The following MME variants were observed in gnomAD, a reference collection of about 807,000 sequenced individuals.
MME encodes the protein neprilysin.
In MME, 98 loss-of-function variants were observed where a neutral mutation model predicts 113.2. The ratio of observed to expected loss-of-function variants is 0.87; its 90% CI spans 0.74 to 1.02. MME has a LOEUF of 1.02. Ranked by LOEUF, MME falls within the 50% of genes least tolerant of loss-of-function variation. The pLI, the probability that MME is intolerant of heterozygous loss-of-function variation, is 0.00. For missense variants in MME, 836 were observed against 896.0 expected (o/e 0.93, Z 0.86); for synonymous variants, 292 against 300.6 (o/e 0.97, Z 0.30).
At chr3:155,113,097 C>A (rs1159246756) in intron 3 of MME, among the ~76,000 whole-genome samples, 2 of 151,910 alleles carry the variant, frequency 1.3e-5, no homozygotes, top group Non-Finnish European at 2.9e-5. Flanking sequence ...ATGACAGGGG[C>A]AATCAAAGCT....
At position 155,144,477 on chromosome 3, in the gene MME, C is replaced by T; in HGVS notation, c.1416+20C>T. The T allele has an allele frequency of 6.7e-7, 1 of 1,502,026 alleles. No individual in the cohort carries two copies. The highest frequency in any genetic ancestry group is 9.3e-7 in the Non-Finnish European group (1 of 1,079,588). The allele number at this position is 1,502,026 out of a possible 1,614,324, so 93.0% of individuals were successfully genotyped here. A position where few individuals can be genotyped will look rare whatever the true frequency, so the allele number is the denominator to read the frequency against. On this transcript the variant is annotated intron_variant, in intron 14 of 22. Coordinates refer to ENST00000360490, the MANE Select transcript of MME (RefSeq NM_007289.4). ...GAAAAGGTAAAGAGCAGACAGCTAA[C>T]TAGCAAAGAAAAATCTTTGCTAGTA...
intron 16 of MME, among the ~76,000 whole-genome samples, chr3:155,154,726 T>C (rs1191934758): frequency 1.3e-5 from 2 of 152,204 alleles, no homozygotes; most frequent in Admixed American, 6.5e-5. Flanking sequence ...ATAGTTCAAC[T>C]TGAGTATCAA....
At chr3:155,169,015 CAAG>C (rs1434198423) in intron 20 of MME, 10 of 508,910 alleles carry the variant, frequency 2.0e-5, no homozygotes, top group Non-Finnish European at 3.5e-5. Context: ...TGCAAAGAGC[CAAG>C]AAGAAGAGAA....
intron 1 of MME, chr3:155,081,110 A>G (rs1192426340): frequency 6.6e-6 from 1 of 152,328 alleles, no homozygotes; most frequent in East Asian, 1.9e-4. Context: ...CTGCAGACAC[A>G]GTTTAAATAT....
chr3:155,063,919 G>A lies in MME; in HGVS notation c.-10-20239G>A, dbSNP rs544390718. Among the ~76,000 whole-genome samples, 47 of 151,652 alleles carry A rather than the reference G, an allele frequency of 3.1e-4. No homozygotes were observed. The East Asian group carries it at 3.5e-3, about 11-fold the overall frequency. ...CAATGTGACTGTATTTGGGAGATGG[G>A]GGCTTTACAGAGGTAATCAAGGTTA... On this transcript the variant is annotated intron_variant, in intron 1 of 22. Transcript: ENST00000492661.
intron 1 of MME, among the ~76,000 whole-genome samples, chr3:155,048,429 CAG>C (rs1169761738): frequency 2.0e-5 from 3 of 152,070 alleles, no homozygotes; most frequent in Non-Finnish European, 4.4e-5. Context: ...GTTTGTTGTT[CAG>C]AGTTTAGTAT....
rs548969379 is a variant in MME, at chr3:155,124,772, C to G, written c.720+5961C>G. On this transcript the variant is annotated intron_variant, in intron 8 of 22. Transcript: ENST00000360490. ...GGACCCACTTGAGGAGGCAGTCTGCCGGTTCTCAGATCTCCAGCTGTGTGC... is the reference window on the plus strand; with the variant it reads ...GGACCCACTTGAGGAGGCAGTCTGCGGGTTCTCAGATCTCCAGCTGTGTGC... Among the ~76,000 whole-genome samples the G allele has an allele frequency of 2.2e-3, 334 of 150,850 alleles. 3 individuals carry two copies. Among genetic ancestry groups the G allele is most frequent in the African/African-American group, 7.8e-3 (321 of 41,116 alleles).
chr3:155,071,737 C>T (rs1714563727), intron 1 of MME, among the ~76,000 whole-genome samples: 1 of 152,216 alleles, frequency 6.6e-6, no homozygotes, highest in Admixed American at 6.5e-5. Flanking sequence ...TTGCCTGATA[C>T]TGTAGGAGTC....
intron 3 of MME, among the ~76,000 whole-genome samples, chr3:155,111,436 C>T (rs1718178988): frequency 6.6e-6 from 1 of 152,196 alleles, no homozygotes; most frequent in South Asian, 2.1e-4. Flanking sequence ...GCAAAGTTGC[C>T]TCTTCCTCTC....
chr3:155,087,513 G>A (rs1314169946), intron 3 of MME, among the ~76,000 whole-genome samples: 1 of 152,042 alleles, frequency 6.6e-6, no homozygotes, highest in African/African-American at 2.4e-5. Flanking sequence ...CAAAGTTAAC[G>A]TTTACTTCCT....
At chr3:155,025,078 C>T (rs979431856) in intron 1 of MME, among the ~76,000 whole-genome samples, 1 of 152,154 alleles carries the variant, frequency 6.6e-6, no homozygotes, top group Non-Finnish European at 1.5e-5. Context: ...AGGTAGGGCC[C>T]CAGGGGCAGA....
chr3:155,078,709 A>C (rs1333379485), upstream of MME, among the ~76,000 whole-genome samples: 2 of 150,874 alleles, frequency 1.3e-5, no homozygotes, highest in Non-Finnish European at 3.0e-5. Context: ...CTGTGATTCA[A>C]AAGAGGAAAG....
Position 155,160,448 on chromosome 3 carries a change from G to A in MME, c.1660G>A (p.Val554Ile). 1 of 1,584,654 alleles carries A rather than the reference G, an allele frequency of 6.3e-7. No homozygotes were observed. Among genetic ancestry groups the A allele is most frequent in the Non-Finnish European group, 8.7e-7 (1 of 1,153,736 alleles). ...AFYSSGRNQI[V>I]FPAGILQPPF... ...TTACTCTTCAGGAAGAAATCAGATA[G>A]GTAAGGTGTATTCTTAAATAATTAT... The change falls in exon 17 of 23, where the codon GTC (valine) becomes ATC (isoleucine). Residue 554 changes from valine to isoleucine, a missense_variant and splice_region_variant. Transcript: ENST00000360490.
chr3:155,097,754 TAACA>T (rs1424150600), intron 3 of MME, among the ~76,000 whole-genome samples: 2 of 152,036 alleles, frequency 1.3e-5, no homozygotes, highest in African/African-American at 4.8e-5. Flanking sequence ...CTTTGTGAAG[TAACA>T]AACAAAAATC....
At chr3:155,080,722 T>G (rs1277072378) in intron 1 of MME, among the ~76,000 whole-genome samples, 1 of 152,188 alleles carries the variant, frequency 6.6e-6, no homozygotes, top group Non-Finnish European at 1.5e-5. Context: ...TAAGGGTAAT[T>G]GCAACCAAAT....
At chr3:155,110,035 G>C (rs535597527) in intron 3 of MME, among the ~76,000 whole-genome samples, 1 of 152,234 alleles carries the variant, frequency 6.6e-6, no homozygotes, top group Non-Finnish European at 1.5e-5. Flanking sequence ...ACATTGTCCT[G>C]CCTTTGTCCC....
At chr3:155,073,759 G>GATATATCT (rs1203109284) in intron 1 of MME, among the ~76,000 whole-genome samples, 2 of 151,734 alleles carry the variant, frequency 1.3e-5, no homozygotes, top group African/African-American at 4.8e-5. Flanking sequence ...CTTTTTTAAG[G>GATATATCT]ATATATCTAT....
intron 1 of MME, among the ~76,000 whole-genome samples, chr3:155,060,721 G>T (rs190122721): frequency 1.4e-3 from 216 of 151,234 alleles, no homozygotes; most frequent in African/African-American, 5.1e-3. Context: ...AGTTCTGGAG[G>T]GTGGAAGTCT....
intron 3 of MME, among the ~76,000 whole-genome samples, chr3:155,099,978 G>A (rs1240897650): frequency 6.6e-6 from 1 of 152,126 alleles, no homozygotes; most frequent in Non-Finnish European, 1.5e-5. Flanking sequence ...TACCATTCAG[G>A]ACATAGGCAT....
Sources: gnomAD v4.1 joint callset for allele counts (sites outside exome capture counted in the v4.1 genomes callset) on GRCh38, gnomAD v4.1.1 for gene constraint, MANE v1.5 for transcripts, NCBI Gene and HGNC (gene_info 2026-07-23, HGNC 2026-07-21) for gene names.